Variants in FLNB observed in about 807,000 individuals in gnomAD.
FLNB encodes the protein filamin-B.
A neutral mutation model predicts 250.6 loss-of-function variants in FLNB; 111 were observed. That is an observed-to-expected ratio of 0.44 (90% CI 0.38 to 0.52). The LOEUF (loss-of-function observed/expected upper bound fraction) is 0.52, where lower values mean the gene tolerates loss of function less well. Among genes scored for constraint, FLNB ranks in the 20% least tolerant of loss-of-function variants. FLNB has a pLI of 0.00. For synonymous variants in FLNB, 1,302 were observed against 1,372.1 expected (o/e 0.95, Z 1.13); for missense variants, 2,869 against 3,447.8 (o/e 0.83, Z 4.20).
At chr3:58,126,925 C>T (rs553228407) in intron 24 of FLNB, among the ~76,000 whole-genome samples, 163 bp downstream of exon 24, 28 of 152,210 alleles carry the variant, frequency 1.8e-4, no homozygotes, top group African/African-American at 6.8e-4. Flanking sequence ...TCTCAACTCC[C>T]AGTAGAACCG....
Position 58,095,229 on chromosome 3 carries a change from G to GTATGTATTTATT in FLNB, c.906+278_906+279insGTATTTATTTAT, listed in dbSNP as rs140031981. Among the ~76,000 whole-genome samples, 9,534 of 147,696 alleles carry GTATGTATTTATT rather than the reference G, an allele frequency of 0.065. 396 individuals are homozygous for GTATGTATTTATT. Among genetic ancestry groups the GTATGTATTTATT allele is most frequent in the Admixed American group, 0.089 (1,300 of 14,668 alleles). On this transcript the variant is annotated intron_variant, in intron 5 of 45. Transcript: ENST00000295956. Reference sequence around the variant, plus strand: ...GCCTTGTCAGTTGAGGTTTATGTATGTATTTATTTATTTATTTATTTATTT... The same window carrying GTATGTATTTATT: ...GCCTTGTCAGTTGAGGTTTATGTATGTATGTATTTATTTATTTATTTATTTATTTATTTATTT...
At chr3:58,156,214 G>A (rs765344629) in intron 41 of FLNB, 139 bp downstream of exon 41, 182 of 691,060 alleles carry the variant, frequency 2.6e-4, no homozygotes, top group South Asian at 9.2e-4. Flanking sequence ...CAGTCACTGG[G>A]GAGCTTTCCT....
intron 4 of FLNB, among the ~76,000 whole-genome samples, chr3:58,092,510 G>T (rs1559686445): frequency 6.6e-6 from 1 of 152,122 alleles, no homozygotes; most frequent in Non-Finnish European, 1.5e-5. Flanking sequence ...TACAGGTGTG[G>T]TGGTATGCAC....
In FLNB at chr3:58,104,059, A is replaced by G. The variant is rs1396417268; in HGVS notation, c.1584A>G (p.Thr528=). 1.2e-6 allele frequency: 2 copies of G among 1,613,820 alleles called. No homozygotes were observed. Among genetic ancestry groups the G allele is most frequent in the Non-Finnish European group, 1.7e-6 (2 of 1,180,024 alleles). Residue 528 remains threonine (T), a synonymous_variant, in exon 10 of 46, where the codon ACA becomes ACG. Transcript: ENST00000295956. ...CGGGGAGATACAGCATTGCCATCAC[A>G]TGGGGGGGACACCACATTCCAAAGA... is the stretch of plus-strand genomic sequence containing the variant. The part of the protein sequence containing the change: ...STPGRYSIAI[T]WGGHHIPKSP...
intron 45 of FLNB, among the ~76,000 whole-genome samples, chr3:58,170,125 G>T (rs1030382887): frequency 1.3e-5 from 2 of 152,122 alleles, no homozygotes; most frequent in East Asian, 3.8e-4. Flanking sequence ...TGTGACCTTG[G>T]AAAGTTATTA....
In FLNB at chr3:58,146,847, C is replaced by G; in HGVS notation, c.5582C>G (p.Pro1861Arg). ...EGGLDLAIEG[P>R]SKAEISCIDN... The stretch of plus-strand genomic sequence containing the variant: ...GGTCTGGACTTGGCTATTGAGGGCC[C>G]CTCAAAAGCAGAAATCAGCTGCATT... Residue 1861 changes from proline to arginine, a missense_variant, in exon 34 of 46, where the codon CCC becomes CGC. Pro to Arg is a moderately radical substitution (Grantham distance 103). Coordinates refer to ENST00000295956, the MANE Select transcript of FLNB (RefSeq NM_001457.4). 5 of 1,614,176 alleles carry G rather than the reference C, an allele frequency of 3.1e-6. No individual in the cohort carries two copies. The highest frequency in any genetic ancestry group is 4.2e-6 in the Non-Finnish European group (5 of 1,180,040).
chr3:58,092,024 C>T (rs2097228586), intron 4 of FLNB, among the ~76,000 whole-genome samples: 1 of 152,142 alleles, frequency 6.6e-6, no homozygotes, highest in Non-Finnish European at 1.5e-5. Context: ...AAAGAACTCT[C>T]AAGTCTTAGT....
intron 1 of FLNB, among the ~76,000 whole-genome samples, chr3:58,069,155 G>A (rs1658386): frequency 0.059 from 8,808 of 148,754 alleles, 870 homozygotes; most frequent in African/African-American, 0.2. Flanking sequence ...AAAAAAAAAA[G>A]GAGGGGCCAG....
rs1417422072 is a variant in FLNB at position 58,008,508 on chromosome 3, C to A, written c.-57C>A. 1.3e-6 allele frequency: 2 copies of A among 1,542,412 alleles called. No individual in the cohort carries two copies. The highest frequency in any genetic ancestry group is 1.4e-5 in the African/African-American group (1 of 72,828). On this transcript the variant is annotated 5_prime_UTR_variant, in exon 1 of 46. Coordinates refer to ENST00000295956, the MANE Select transcript of FLNB (RefSeq NM_001457.4). ...GGTTCTCGCTCCTTCGGCCCTTGGG[C>A]CTCCAAACACCAGTCCCCGGCAGCT... is the stretch of plus-strand genomic sequence containing the variant.
chr3:58,102,255 C>CGAG lies in FLNB; in HGVS notation c.1399_1400insAGG (p.Gly466_Val467insGlu). 1 of 1,614,190 alleles carries CGAG rather than the reference C, an allele frequency of 6.2e-7. No homozygotes were observed. The highest frequency in any genetic ancestry group is 8.5e-7 in the Non-Finnish European group (1 of 1,180,012). ...GTGGCCGAGGCCTACAACCCAAAGG[C>CGAG]GTCCGTATCCGGGAGACCACAGATT... On this transcript the variant is annotated inframe_insertion, in exon 9 of 46. Transcript: ENST00000295956.
chr3:58,084,185 C>G (rs1282177597), intron 4 of FLNB, among the ~76,000 whole-genome samples: 4 of 143,906 alleles, frequency 2.8e-5, no homozygotes, highest in Non-Finnish European at 6.0e-5. Flanking sequence ...GAACGAGACT[C>G]TGTCTCAAAA....
chr3:58,043,156 T>G (rs1238161451), intron 1 of FLNB, among the ~76,000 whole-genome samples: 1 of 148,502 alleles, frequency 6.7e-6, no homozygotes, highest in African/African-American at 2.5e-5. Context: ...TTTTTTTTTT[T>G]TTTTTTTTGA....
At chr3:58,009,321 C>A (rs1224657125) in intron 1 of FLNB, among the ~76,000 whole-genome samples, 1 of 152,148 alleles carries the variant, frequency 6.6e-6, no homozygotes, top group Admixed American at 6.5e-5. Context: ...GCCGTGAGAC[C>A]TGAGGAGGAA....
In FLNB at chr3:58,138,487, C is replaced by T; in HGVS notation, c.5067C>T (p.Arg1689=). ...CGGGCACATATGTGATCTATGTGCG[C>T]TTCGGTGGTGTTGATATTCCTAACA... is the stretch of plus-strand genomic sequence containing the variant. ...AKPGTYVIYV[R]FGGVDIPNSP... Residue 1689 remains arginine, a synonymous_variant, in exon 29 of 46, where the codon CGC becomes CGT. Coordinates refer to ENST00000295956, the MANE Select transcript of FLNB (RefSeq NM_001457.4). 2 of 1,614,218 alleles carry T rather than the reference C, an allele frequency of 1.2e-6. No homozygotes were observed. The highest frequency in any genetic ancestry group is 4.5e-5 in the East Asian group (2 of 44,890).
chr3:58,132,574 G>C, intron 25 of FLNB: 1 of 592,656 alleles, frequency 1.7e-6, no homozygotes, highest in South Asian at 1.9e-5. Flanking sequence ...GGCAGACTGA[G>C]TGTATTTTAG....
chr3:58,153,517 G>C lies in FLNB; in HGVS notation c.6510G>C (p.Lys2170Asn). ...TGGGCGTGCACACGGTCAGCGTCAAGTACCGTGGGCAGCACGTCACCGGCA... is the reference window on the plus strand; with the variant it reads ...TGGGCGTGCACACGGTCAGCGTCAACTACCGTGGGCAGCACGTCACCGGCA... ...QEMGVHTVSV[K>N]YRGQHVTGSP... The change falls in exon 39 of 46, where the codon AAG becomes AAC. Residue 2170 changes from lysine to asparagine, a missense_variant. Physicochemically the swap from Lys to Asn is moderately conservative, Grantham distance 94. Coordinates refer to ENST00000295956, the MANE Select transcript of FLNB (RefSeq NM_001457.4). 2 of 1,614,198 alleles carry C rather than the reference G, an allele frequency of 1.2e-6. No individual in the cohort carries two copies. Among genetic ancestry groups the C allele is most frequent in the South Asian group, 2.2e-5 (2 of 91,090 alleles).
intron 38 of FLNB, 101 bp downstream of exon 38, chr3:58,150,328 A>G: frequency 7.3e-7 from 1 of 1,369,380 alleles, no homozygotes; most frequent in Non-Finnish European, 1.0e-6. Context: ...AGAACACAGT[A>G]TCCAAGTCGG....
At position 58,121,442 on chromosome 3, in the gene FLNB, G is replaced by A. The variant is rs1163355961; in HGVS notation, c.3065G>A (p.Gly1022Glu). Residue 1022 changes from glycine (G) to glutamate (E), a missense_variant, in exon 20 of 46, where the codon GGA becomes GAA. This residue lies in a region of FLNB where 1,348 missense variants were observed against 1,466.7 expected (regional missense o/e 0.92). Coordinates refer to ENST00000295956, the MANE Select transcript of FLNB (RefSeq NM_001457.4). ...TATGCTGTAGACGTGACCTACGATG[G>A]ACACCCTGTGCCCGGGAGCCCCTAC... Reference protein sequence around the residue: ...GLYAVDVTYDGHPVPGSPYTV... With the variant: ...GLYAVDVTYDEHPVPGSPYTV... 1.2e-6 allele frequency: 2 copies of A among 1,614,086 alleles called. No individual in the cohort carries two copies. Among genetic ancestry groups the A allele is most frequent in the South Asian group, 2.2e-5 (2 of 91,072 alleles).
chr3:58,064,599 C>A (rs2097182874), intron 1 of FLNB, among the ~76,000 whole-genome samples: 1 of 152,098 alleles, frequency 6.6e-6, no homozygotes, highest in East Asian at 1.9e-4. Flanking sequence ...AAGAGCAGAG[C>A]TGCATCTTCT....
Sources: allele counts gnomAD v4.1 joint callset (sites outside exome capture counted in the v4.1 genomes callset), GRCh38; gene constraint gnomAD v4.1.1; regional missense constraint gnomAD v4.1.1; transcripts MANE v1.5; gene names NCBI Gene and HGNC (gene_info 2026-07-23, HGNC 2026-07-21).